Variants in TNS1 observed in about 807,000 individuals in gnomAD.
TNS1 encodes tensin 1, also known as tensin-1.
Under a neutral mutation model 168.6 loss-of-function variants are expected in TNS1, and 62 were observed. The ratio of observed to expected loss-of-function variants is 0.37; its 90% confidence interval spans 0.30 to 0.45. The LOEUF (loss-of-function observed/expected upper bound fraction) is 0.45. Among genes scored for constraint, TNS1 ranks in the 20% least tolerant of loss-of-function variants. The probability of loss-of-function intolerance (pLI) is 1.00; values close to 1 mark genes in which losing one functional copy is unlikely to be tolerated. For synonymous variants in TNS1, 934 were observed against 933.2 expected (o/e 1.00, Z -0.02); for missense variants, 2,240 against 2,339.4 (o/e 0.96, Z 0.88).
In TNS1 at chr2:217,929,701, C is replaced by A. The variant is rs543676267; in HGVS notation, c.187-9465G>T. ...CCACCCCTCCCTCAGCCCTCCACCC[C>A]CCACCCGCCCCGGCCACCAAAGTCG... On this transcript the variant is annotated intron_variant, in intron 3 of 32. Coordinates refer to ENST00000682258, the MANE Select transcript of TNS1 (RefSeq NM_001387777.1). Among the ~76,000 whole-genome samples, 5 of 149,882 alleles carry A rather than the reference C, an allele frequency of 3.3e-5. No individual in the cohort carries two copies. In the South Asian group the frequency reaches 1.1e-3, roughly 32 times the overall value.
At chr2:217,835,412 C>T (rs1045642564) in intron 20 of TNS1, among the ~76,000 whole-genome samples, 1 of 152,198 alleles carries the variant, frequency 6.6e-6, no homozygotes, top group African/African-American at 2.4e-5. Context: ...ACACTCGCTC[C>T]CTCAATGTGG....
intron 31 of TNS1, among the ~76,000 whole-genome samples, chr2:217,808,325 G>T (rs950434412): frequency 2.6e-5 from 4 of 151,966 alleles, no homozygotes; most frequent in African/African-American, 9.7e-5. Flanking sequence ...CCTCCTGAGG[G>T]GCTCTCCCCA....
rs1055804841 is a variant in TNS1, at chr2:217,934,956, G to A, written c.187-14720C>T. Among the ~76,000 whole-genome samples the A allele has an allele frequency of 1.9e-4, 29 of 152,192 alleles. 1 individual carries two copies. Among genetic ancestry groups the A allele is most frequent in the Admixed American group, 1.8e-3 (27 of 15,288 alleles). On this transcript the variant is annotated intron_variant, in intron 3 of 32. Coordinates refer to ENST00000682258, the MANE Select transcript of TNS1 (RefSeq NM_001387777.1). ...GCCCCTAACTCGAACTTCTCATTTC[G>A]CAATTGAGGAAACCAAAGCCCAAAA... is the stretch of plus-strand genomic sequence containing the variant.
chr2:218,015,071 G>A (rs539561545), upstream of TNS1, among the ~76,000 whole-genome samples: 15 of 152,226 alleles, frequency 9.9e-5, 1 homozygote, highest in South Asian at 3.1e-3. Flanking sequence ...GAAGTCTTTA[G>A]GCACCTCCAC....
chr2:217,909,602 C>CACACACACAG (rs1033923617), intron 4 of TNS1, among the ~76,000 whole-genome samples: 4 of 150,984 alleles, frequency 2.6e-5, no homozygotes, highest in African/African-American at 9.8e-5. Flanking sequence ...CACACACACA[C>CACACACACAG]AGTTAGACCT....
upstream of TNS1, among the ~76,000 whole-genome samples, chr2:218,005,293 G>C (rs1958648713): frequency 6.6e-6 from 1 of 152,184 alleles, no homozygotes; most frequent in South Asian, 2.1e-4. Flanking sequence ...ACACCAACTT[G>C]TCTGGCCTCC....
chr2:217,951,557 C>T (rs552472835), intron 3 of TNS1, among the ~76,000 whole-genome samples: 7 of 152,220 alleles, frequency 4.6e-5, no homozygotes, highest in South Asian at 2.1e-4. Flanking sequence ...TGCAGCAAGC[C>T]GGCAGGGCCT....
chr2:217,896,513 G>A (rs1320062710), intron 8 of TNS1, among the ~76,000 whole-genome samples: 1 of 152,220 alleles, frequency 6.6e-6, no homozygotes, highest in Non-Finnish European at 1.5e-5. Flanking sequence ...ACAAACCAAG[G>A]AATCCCACCG....
At chr2:217,963,889 C>CAA (rs58953604) in intron 3 of TNS1, among the ~76,000 whole-genome samples, 30,198 of 126,094 alleles carry the variant, frequency 0.24, 3,383 homozygotes, top group Middle Eastern at 0.42. Flanking sequence ...ACTAAAAATA[C>CAA]AAAAAAAAAA....
At chr2:217,979,118 G>T (rs553853119) in intron 2 of TNS1, among the ~76,000 whole-genome samples, 28 of 152,128 alleles carry the variant, frequency 1.8e-4, no homozygotes, top group African/African-American at 6.7e-4. Context: ...CAGGGGCAGA[G>T]GTAGCCCGGA....
At chr2:217,946,673 A>G (rs151192396) in intron 3 of TNS1, among the ~76,000 whole-genome samples, 4 of 152,154 alleles carry the variant, frequency 2.6e-5, no homozygotes, top group African/African-American at 7.2e-5. Context: ...GGCGACCTGG[A>G]AGACCCCTCC....
chr2:217,830,260 T>G lies in TNS1; in HGVS notation c.3373+1195A>C, dbSNP rs1004427194. 1.1e-4 allele frequency: 153 copies of G among 1,430,646 alleles called. 1 individual carries two copies. The highest frequency in any genetic ancestry group is 1.4e-4 in the Non-Finnish European group (144 of 1,034,678). 88.6% of individuals were successfully genotyped at this position (1,430,646 alleles called of 1,614,324 possible). A position where few individuals can be genotyped will look rare whatever the true frequency, so the allele number is the denominator to read the frequency against. The stretch of plus-strand genomic sequence containing the variant: ...GAGGCAGCCCCCAGCCCCCTTCTAC[T>G]GATCCCCCGTGGCTCAGTGTCCCTG... On this transcript the variant is annotated intron_variant, in intron 22 of 32. Transcript: ENST00000682258.
At chr2:217,833,929 C>T (rs1944821674) in intron 21 of TNS1, among the ~76,000 whole-genome samples, 1 of 152,120 alleles carries the variant, frequency 6.6e-6, no homozygotes, top group Non-Finnish European at 1.5e-5. Flanking sequence ...TGTAAAATAG[C>T]TCAATATTTT....
chr2:217,818,667 C>A lies in TNS1; in HGVS notation c.3665G>T (p.Gly1222Val). 6.2e-7 allele frequency: 1 copy of A among 1,614,212 alleles called. No homozygotes were observed. The highest frequency in any genetic ancestry group is 8.5e-7 in the Non-Finnish European group (1 of 1,180,036). The change falls in exon 24 of 33, where the codon GGC becomes GTC. Residue 1222 changes from glycine to valine, a missense_variant. By Grantham distance (109) the Gly-to-Val change is moderately radical (BLOSUM62 -3). This residue lies in a region of TNS1 where 2,131 missense variants were observed against 2,171.2 expected (regional missense o/e 0.98). Transcript: ENST00000682258. Reference sequence around the variant, plus strand: ...AGACGGGCTGGGCTGTCCCAGGCTGCCTGAGCGGAAGCCAGACTCCAACAG... The same window carrying A: ...AGACGGGCTGGGCTGTCCCAGGCTGACTGAGCGGAAGCCAGACTCCAACAG... ...QPLLESGFRS[G>V]SLGQPSPSAQ...
At chr2:217,889,710 C>T (rs1056189141) in intron 12 of TNS1, among the ~76,000 whole-genome samples, 1 of 152,208 alleles carries the variant, frequency 6.6e-6, no homozygotes, top group South Asian at 2.1e-4. Context: ...GTGTAACATC[C>T]ACTAGAAGCT....
chr2:218,004,729 G>T (rs1958641429), upstream of TNS1, among the ~76,000 whole-genome samples: 1 of 152,086 alleles, frequency 6.6e-6, no homozygotes, highest in Non-Finnish European at 1.5e-5. Flanking sequence ...AGGAGTCAGG[G>T]TCCTCTCTCC....
Position 217,848,454 on chromosome 2 carries a change from G to C in TNS1, c.2063C>G (p.Ser688Cys), listed in dbSNP as rs757858485. 1.2e-6 allele frequency: 2 copies of C among 1,612,544 alleles called. No homozygotes were observed. The highest frequency in any genetic ancestry group is 1.7e-6 in the Non-Finnish European group (2 of 1,178,964). ...MVNGGGYPYE[S>C]ASRAGPAHAG... is the part of the protein sequence containing the mutation. ...ATGGGCAGGCCCCGCCCGGCTGGCAGACTCGTAGGGGTAGCCTCCTCCATT... is the reference window on the plus strand; with the variant it reads ...ATGGGCAGGCCCCGCCCGGCTGGCACACTCGTAGGGGTAGCCTCCTCCATT... The change falls in exon 19 of 33, where the codon TCT becomes TGT. Residue 688 changes from serine to cysteine, a missense_variant. Ser to Cys is a moderately radical substitution (Grantham distance 112). Coordinates refer to ENST00000682258, the MANE Select transcript of TNS1 (RefSeq NM_001387777.1).
intron 24 of TNS1, among the ~76,000 whole-genome samples, chr2:217,815,730 G>C (rs1941792504): frequency 6.6e-6 from 1 of 152,130 alleles, no homozygotes; most frequent in African/African-American, 2.4e-5. Context: ...CTTGCTTCTA[G>C]AACCTTTCTC....
At chr2:217,931,109 G>A (rs552929673) in intron 3 of TNS1, among the ~76,000 whole-genome samples, 8 of 152,276 alleles carry the variant, frequency 5.3e-5, no homozygotes, top group East Asian at 3.9e-4. Context: ...GGCCCCGCCC[G>A]GGAGGGAAAC....
Sources: gnomAD v4.1 joint callset for allele counts (sites outside exome capture counted in the v4.1 genomes callset) on GRCh38, gnomAD v4.1.1 for gene constraint, gnomAD v4.1.1 regional missense constraint, MANE v1.5 for transcripts, NCBI Gene and HGNC (gene_info 2026-07-23, HGNC 2026-07-21) for gene names.